The following NTN1 variants were observed in gnomAD, a reference collection of about 807,000 sequenced individuals.
NTN1 encodes the protein netrin 1.
A neutral mutation model predicts 54.2 loss-of-function variants in NTN1; 11 were observed. The observed-to-expected ratio is 0.20, with a 90% CI of 0.13 to 0.34. NTN1 has a LOEUF of 0.34. NTN1 is among the 10% of genes least tolerant of loss of function. The pLI, the probability that NTN1 is intolerant of heterozygous loss-of-function variation, is 1.00. For missense variants in NTN1, 740 were observed against 893.1 expected, an observed-to-expected ratio of 0.83 and a Z score of 2.18; for synonymous variants, 371 against 382.0, an observed-to-expected ratio of 0.97 and a Z score of 0.33.
intron 2 of NTN1, among the ~76,000 whole-genome samples, chr17:9,036,802 C>A (rs373846544): frequency 9.9e-5 from 15 of 152,146 alleles, no homozygotes; most frequent in African/African-American, 3.6e-4. Flanking sequence ...CCAGAAGCAG[C>A]TCTATAACTT....
At chr17:9,222,026 A>C (rs576682156) in intron 6 of NTN1, among the ~76,000 whole-genome samples, 1 of 152,342 alleles carries the variant, frequency 6.6e-6, no homozygotes, top group East Asian at 1.9e-4. Context: ...ACCACTGGCA[A>C]GGCCCCCGCA....
intron 2 of NTN1, among the ~76,000 whole-genome samples, chr17:9,088,669 G>A (rs1158052496): frequency 6.6e-6 from 1 of 152,166 alleles, no homozygotes; most frequent in African/African-American, 2.4e-5. Context: ...ACAGATGGAG[G>A]ATTTTTCCGC....
At chr17:9,093,051 C>T (rs955446887) in intron 2 of NTN1, among the ~76,000 whole-genome samples, 2 of 152,218 alleles carry the variant, frequency 1.3e-5, no homozygotes, top group African/African-American at 2.4e-5. Context: ...AGCCACTGCG[C>T]CCAGCCAATT....
intron 2 of NTN1, among the ~76,000 whole-genome samples, chr17:9,048,366 A>G (rs1474474446): frequency 6.6e-6 from 1 of 151,354 alleles, no homozygotes; most frequent in Non-Finnish European, 1.5e-5. Flanking sequence ...GGCTTAAAAT[A>G]TTAAGTACAC....
At chr17:9,218,453 T>G (rs1016660846) in intron 5 of NTN1, among the ~76,000 whole-genome samples, 15 of 152,220 alleles carry the variant, frequency 9.9e-5, no homozygotes, top group Non-Finnish European at 2.2e-4. Flanking sequence ...GACTGTGATT[T>G]GTCAAGCAGG....
chr17:9,203,605 C>T (rs1316575830), intron 5 of NTN1, among the ~76,000 whole-genome samples: 1 of 151,860 alleles, frequency 6.6e-6, no homozygotes, highest in Admixed American at 6.6e-5. Context: ...TTGAGAGCAG[C>T]CTGGCCAACA....
chr17:9,239,765 C>G lies in NTN1; in HGVS notation c.1612C>G (p.Arg538Gly), dbSNP rs1265292089. Reference protein sequence around the residue: ...IRRGDQSLWIRSRDIACKCPK... With the variant: ...IRRGDQSLWIGSRDIACKCPK... ...CCGCGGTGACCAGAGCCTGTGGATC[C>G]GCTCGCGGGACATCGCCTGCAAGTG... The change falls in exon 7 of 7, where the codon CGC (arginine) becomes GGC (glycine). Residue 538 changes from arginine (R) to glycine (G), a missense_variant. Transcript: ENST00000173229. This position sits in a 1 kb window ranked among gnomAD's most constrained non-coding sequence, Gnocchi z 5.2. 2 of 1,613,804 alleles carry G rather than the reference C, an allele frequency of 1.2e-6. No individual in the cohort carries two copies. The highest frequency in any genetic ancestry group is 1.7e-6 in the Non-Finnish European group (2 of 1,180,040).
rs191981684 is a variant in NTN1, at chr17:9,135,664, C to T, written c.1019-27149C>T. 2.7e-3 allele frequency among the ~76,000 whole-genome samples: 404 copies of T among 152,306 alleles called. 1 individual carries two copies. Among genetic ancestry groups the T allele is most frequent in the African/African-American group, 9.2e-3 (384 of 41,552 alleles). On this transcript the variant is annotated intron_variant, in intron 2 of 6. Transcript: ENST00000173229. The surrounding 1 kb of genome is among the most constrained non-coding windows in gnomAD (Gnocchi z 4.4). Reference sequence around the variant, plus strand: ...CTCTGCTTTTTCTGTAGAGACTGGACTCTTACTTCTTCTAAGCTGTTGTCT... The same window carrying T: ...CTCTGCTTTTTCTGTAGAGACTGGATTCTTACTTCTTCTAAGCTGTTGTCT...
intron 3 of NTN1, among the ~76,000 whole-genome samples, chr17:9,164,211 G>A (rs2092367317): frequency 1.3e-5 from 2 of 152,212 alleles, no homozygotes; most frequent in Non-Finnish European, 2.9e-5. Context: ...GATCACCCTA[G>A]GTCAGGACTT....
At chr17:9,229,196 G>A (rs373742987) in intron 6 of NTN1, among the ~76,000 whole-genome samples, 2 of 152,066 alleles carry the variant, frequency 1.3e-5, no homozygotes, top group African/African-American at 4.8e-5. Context: ...TCTCTTGGGG[G>A]TCCGTGGAAG....
the NTN1 span, among the ~76,000 whole-genome samples, chr17:9,005,197 C>T: frequency 6.6e-6 from 1 of 152,186 alleles, no homozygotes; most frequent in African/African-American, 2.4e-5. Flanking sequence ...CCACCCACCC[C>T]TTGTGGCTTT....
At chr17:9,235,454 G>T (rs551372110) in intron 6 of NTN1, among the ~76,000 whole-genome samples, 2 of 132,130 alleles carry the variant, frequency 1.5e-5, no homozygotes, top group South Asian at 5.8e-4. Context: ...GGGAGTTCAG[G>T]CATGCTAAGG....
Position 9,179,807 on chromosome 17 carries a change from C to T in NTN1, c.1208C>T (p.Ala403Val). Residue 403 changes from alanine to valine, a missense_variant and splice_region_variant, in exon 4 of 7, where the codon GCC (alanine) becomes GTC (valine). By Grantham distance (64) the Ala-to-Val change is moderately conservative (BLOSUM62 0). Transcript: ENST00000173229. ...CCCTCCCATTTTGTGTTCTCTGCAG[C>T]CTGTGATTGCCACCCTGTGGGTGCT... is the stretch of plus-strand genomic sequence containing the variant. ...KPITHRKACKACDCHPVGAAG... is the reference protein window; with the variant it reads ...KPITHRKACKVCDCHPVGAAG... 6.2e-7 allele frequency: 1 copy of T among 1,613,454 alleles called. No homozygotes were observed. Among genetic ancestry groups the T allele is most frequent in the Non-Finnish European group, 8.5e-7 (1 of 1,179,722 alleles).
chr17:9,129,480 C>G (rs949435559), intron 2 of NTN1, among the ~76,000 whole-genome samples: 1 of 152,136 alleles, frequency 6.6e-6, no homozygotes, highest in Admixed American at 6.5e-5. Context: ...GGAGATGGTC[C>G]TTTTGAGCCC....
At chr17:9,163,232 A>G (rs1264328799) in intron 3 of NTN1, among the ~76,000 whole-genome samples, 1 of 150,592 alleles carries the variant, frequency 6.6e-6, no homozygotes, top group Non-Finnish European at 1.5e-5. Flanking sequence ...GGGGTGATGG[A>G]GACATGGCTC....
intron 6 of NTN1, among the ~76,000 whole-genome samples, chr17:9,227,021 T>A (rs531391543): frequency 1.3e-5 from 2 of 151,820 alleles, no homozygotes; most frequent in African/African-American, 4.8e-5. Context: ...TGCCTCCTCC[T>A]GTTCCCTTCC....
intron 2 of NTN1, among the ~76,000 whole-genome samples, chr17:9,069,869 C>A (rs1257583557): frequency 6.6e-6 from 1 of 152,158 alleles, no homozygotes; most frequent in Non-Finnish European, 1.5e-5. Context: ...GTGAGGGTAC[C>A]AAGACCCCGT....
intron 2 of NTN1, among the ~76,000 whole-genome samples, chr17:9,062,674 A>G: frequency 6.6e-6 from 1 of 152,204 alleles, no homozygotes; most frequent in East Asian, 1.9e-4. Flanking sequence ...ATTATTACAG[A>G]AGTGTGAAAG....
intron 2 of NTN1, among the ~76,000 whole-genome samples, chr17:9,098,074 A>G (rs1352639637): frequency 2.0e-5 from 3 of 152,156 alleles, no homozygotes; most frequent in South Asian, 4.1e-4. Context: ...GTTTTAGTCA[A>G]GGACTTCCTA....
Sources: gnomAD v4.1 joint callset for allele counts (sites outside exome capture counted in the v4.1 genomes callset) on GRCh38, gnomAD v4.1.1 for gene constraint, Gnocchi (gnomAD v3.1) non-coding constraint, MANE v1.5 for transcripts, NCBI Gene and HGNC (gene_info 2026-07-23, HGNC 2026-07-21) for gene names.